The following CSMD1 variants were observed in gnomAD, a reference collection of about 807,000 sequenced individuals.
CSMD1 encodes the protein CUB and sushi domain-containing protein 1.
Under a neutral mutation model 417.5 loss-of-function variants are expected in CSMD1, and 213 were observed. The ratio of observed to expected loss-of-function variants is 0.51; its 90% CI spans 0.46 to 0.57. The LOEUF (loss-of-function observed/expected upper bound fraction) is 0.57, where lower values mean the gene tolerates loss of function less well. CSMD1 is among the 20% of genes least tolerant of loss of function. The probability of loss-of-function intolerance (pLI) is 0.00; values close to 1 mark genes in which losing one functional copy is unlikely to be tolerated. For missense variants in CSMD1, 6,923 were observed against 4,529.7 expected, an observed-to-expected ratio of 1.53 and a Z score of -15.17; for synonymous variants, 2,862 against 1,736.8, an observed-to-expected ratio of 1.65 and a Z score of -16.11.
At chr8:3,742,988 C>G (rs928662013) in intron 6 of CSMD1, among the ~76,000 whole-genome samples, 1 of 152,102 alleles carries the variant, frequency 6.6e-6, no homozygotes, top group Non-Finnish European at 1.5e-5. Flanking sequence ...CTAGTGGAAG[C>G]AGTAAAATCC....
At chr8:4,436,105 G>C (rs1001002360) in intron 2 of CSMD1, among the ~76,000 whole-genome samples, 6 of 152,014 alleles carry the variant, frequency 3.9e-5, no homozygotes, top group Admixed American at 6.6e-5. Flanking sequence ...GTCCAACTGA[G>C]CTAAATATAT....
At chr8:4,339,660 T>C (rs1800365250) in intron 3 of CSMD1, among the ~76,000 whole-genome samples, 1 of 152,126 alleles carries the variant, frequency 6.6e-6, no homozygotes, top group South Asian at 2.1e-4. Flanking sequence ...TGATTCAATA[T>C]GTTATGTTTG....
chr8:3,643,428 C>A lies in CSMD1; in HGVS notation c.1010-26631G>T, dbSNP rs1032920496. On this transcript the variant is annotated intron_variant, in intron 7 of 69. Coordinates refer to ENST00000635120, the MANE Select transcript of CSMD1 (RefSeq NM_033225.6). ...TCAGAAATGCCTCCTCTGGGCCGGA[C>A]GCCGTGGCTCACGCCTGTAATCCTA... Among the ~76,000 whole-genome samples the A allele has an allele frequency of 7.2e-5, 11 of 152,070 alleles. No homozygotes were observed. In the South Asian group the frequency reaches 2.1e-3, roughly 29 times the overall value.
chr8:3,491,195 T>G (rs900621197), intron 11 of CSMD1, among the ~76,000 whole-genome samples: 1 of 152,076 alleles, frequency 6.6e-6, no homozygotes, highest in African/African-American at 2.4e-5. Flanking sequence ...GTAAAAAGCA[T>G]GGTAGGTCCA....
chr8:4,420,590 G>C lies in CSMD1; in HGVS notation c.303-525C>G, dbSNP rs1229079027. Among the ~76,000 whole-genome samples, 4 of 152,142 alleles carry C rather than the reference G, an allele frequency of 2.6e-5. No homozygotes were observed. The East Asian group carries it at 7.7e-4, about 29-fold the overall frequency. ...CATGTGAATGTGTGTATAAACATTT[G>C]TGCACTCAAACATGAAAGTATTGCA... is the stretch of plus-strand genomic sequence containing the variant. On this transcript the variant is annotated intron_variant, in intron 2 of 69. Transcript: ENST00000635120.
chr8:4,022,567 T>C (rs762190948), intron 4 of CSMD1, among the ~76,000 whole-genome samples: 5 of 152,128 alleles, frequency 3.3e-5, no homozygotes, highest in African/African-American at 4.8e-5. Context: ...AGGGTGTGCA[T>C]TGAGGGCACG....
chr8:3,453,091 T>C (rs1331286542), intron 12 of CSMD1, among the ~76,000 whole-genome samples: 1 of 152,232 alleles, frequency 6.6e-6, no homozygotes. Context: ...CTAGATTTTC[T>C]AGTTCTTTTG....
chr8:3,085,876 C>T lies in CSMD1; in HGVS notation c.7474+1221G>A, dbSNP rs529667760. Among the ~76,000 whole-genome samples the T allele has an allele frequency of 3.7e-4, 56 of 152,276 alleles. No homozygotes were observed. The South Asian group carries it at 0.011, about 29-fold the overall frequency. On this transcript the variant is annotated intron_variant, in intron 49 of 69. Coordinates refer to ENST00000635120, the MANE Select transcript of CSMD1 (RefSeq NM_033225.6). Reference sequence around the variant, plus strand: ...CCTTTGGGACATGAAGGTCCCTCTCCGGACCCCTTTGTGCTTAGGCCTGGA... The same window carrying T: ...CCTTTGGGACATGAAGGTCCCTCTCTGGACCCCTTTGTGCTTAGGCCTGGA...
At chr8:4,318,419 G>C (rs1799063024) in intron 3 of CSMD1, among the ~76,000 whole-genome samples, 1 of 152,054 alleles carries the variant, frequency 6.6e-6, no homozygotes, top group African/African-American at 2.4e-5. Flanking sequence ...GTGTGTGTGA[G>C]AAAGAGTAAT....
chr8:3,057,089 G>C (rs1161708798), intron 49 of CSMD1, among the ~76,000 whole-genome samples: 2 of 151,998 alleles, frequency 1.3e-5, no homozygotes, highest in Non-Finnish European at 2.9e-5. Context: ...TGACTATACA[G>C]AAACTTCCAC....
intron 3 of CSMD1, among the ~76,000 whole-genome samples, chr8:4,039,436 G>A (rs748865652): frequency 2.4e-4 from 37 of 152,124 alleles, no homozygotes; most frequent in Non-Finnish European, 4.0e-4. Context: ...TTAAAAAATC[G>A]GATTTCCTAG....
At chr8:4,652,418 G>A (rs575832553) in intron 1 of CSMD1, among the ~76,000 whole-genome samples, 1 of 152,046 alleles carries the variant, frequency 6.6e-6, no homozygotes, top group Admixed American at 6.6e-5. Flanking sequence ...TTGGGAGGAA[G>A]TGGGAATTTC....
At chr8:3,039,630 T>C (rs942822445) in intron 50 of CSMD1, among the ~76,000 whole-genome samples, 3 of 152,132 alleles carry the variant, frequency 2.0e-5, no homozygotes, top group African/African-American at 7.2e-5. Context: ...CATTTTGCAC[T>C]TCTTGAGATT....
chr8:3,861,135 A>G (rs1373041438), intron 5 of CSMD1, among the ~76,000 whole-genome samples: 2 of 152,112 alleles, frequency 1.3e-5, no homozygotes, highest in East Asian at 3.9e-4. Flanking sequence ...ATATGCCAAA[A>G]ACACACCTTT....
chr8:3,727,205 G>A (rs376473834), intron 6 of CSMD1, among the ~76,000 whole-genome samples: 2 of 152,168 alleles, frequency 1.3e-5, no homozygotes, highest in Admixed American at 1.3e-4. Context: ...TTTAAATTGT[G>A]TTTATTTTCA....
intron 3 of CSMD1, 78 bp from the exon 4 acceptor site, chr8:4,032,177 C>A: frequency 3.0e-6 from 3 of 1,011,804 alleles, no homozygotes; most frequent in Middle Eastern, 2.6e-4. Context: ...AAAACAGACA[C>A]CATTTTTGAA....
intron 7 of CSMD1, among the ~76,000 whole-genome samples, chr8:3,672,890 C>G (rs892138327): frequency 6.6e-6 from 1 of 152,172 alleles, no homozygotes; most frequent in Non-Finnish European, 1.5e-5. Flanking sequence ...CATGAAAATC[C>G]ATGGTTTTTC....
At chr8:4,436,297 A>G (rs1003115249) in intron 2 of CSMD1, among the ~76,000 whole-genome samples, 3 of 152,096 alleles carry the variant, frequency 2.0e-5, no homozygotes, top group African/African-American at 7.2e-5. Context: ...TGTTTTTTTC[A>G]TCTTATCTGT....
At chr8:3,665,394 T>G (rs1373859700) in intron 7 of CSMD1, among the ~76,000 whole-genome samples, 1 of 152,022 alleles carries the variant, frequency 6.6e-6, no homozygotes, top group East Asian at 1.9e-4. Context: ...CCAGGTGTGG[T>G]GGCATGCACC....
Sources: allele counts gnomAD v4.1 joint callset (sites outside exome capture counted in the v4.1 genomes callset), GRCh38; gene constraint gnomAD v4.1.1; transcripts MANE v1.5; gene names NCBI Gene and HGNC (gene_info 2026-07-23, HGNC 2026-07-21).